The following BNC2 variants were observed in gnomAD, a reference collection of about 807,000 sequenced individuals.
BNC2 encodes the protein basonuclin zinc finger protein 2.
BNC2 carries 20 observed loss-of-function variants against 76.3 expected under a neutral mutation model. The observed-to-expected ratio is 0.26, with a 90% CI of 0.18 to 0.38. The LOEUF (loss-of-function observed/expected upper bound fraction) is 0.38, where lower values mean the gene tolerates loss of function less well. Among genes scored for constraint, BNC2 ranks in the 10% least tolerant of loss-of-function variants. The pLI is 1.00. For synonymous variants in BNC2, 582 were observed against 514.8 expected, an observed-to-expected ratio of 1.13 and a Z score of -1.77; for missense variants, 1,382 against 1,399.8, an observed-to-expected ratio of 0.99 and a Z score of 0.20.
At chr9:16,494,440 C>T (rs187780823) in intron 5 of BNC2, among the ~76,000 whole-genome samples, 90 of 152,040 alleles carry the variant, frequency 5.9e-4, no homozygotes, top group African/African-American at 2.0e-3. Flanking sequence ...CATGAGCCAC[C>T]GAGCCCAGCC....
intron 3 of BNC2, among the ~76,000 whole-genome samples, chr9:16,615,129 T>A (rs573251254): frequency 3.2e-4 from 48 of 152,176 alleles, no homozygotes; most frequent in Non-Finnish European, 6.0e-4. Flanking sequence ...GGATACAGCA[T>A]GATAAACCCA....
intron 1 of BNC2, among the ~76,000 whole-genome samples, chr9:16,789,058 A>C (rs1817428919): frequency 6.6e-6 from 1 of 152,194 alleles, no homozygotes; most frequent in African/African-American, 2.4e-5. Flanking sequence ...CTTAAAACCC[A>C]AAGGTTCTTA....
intron 3 of BNC2, among the ~76,000 whole-genome samples, chr9:16,589,497 T>TTTTGTTTG (rs71325976): frequency 0.81 from 121,071 of 149,032 alleles, 50,947 homozygotes; most frequent in East Asian, 0.96. Context: ...AAAAGCCATT[T>TTTTGTTTG]TTTGTTTGTT....
At chr9:16,670,185 C>T (rs770470379) in intron 3 of BNC2, among the ~76,000 whole-genome samples, 5 of 152,094 alleles carry the variant, frequency 3.3e-5, no homozygotes, top group Non-Finnish European at 5.9e-5. Flanking sequence ...TATACCTATT[C>T]GGGTTCCTAG....
intron 4 of BNC2, among the ~76,000 whole-genome samples, chr9:16,556,634 G>A (rs943154209): frequency 1.4e-5 from 2 of 145,628 alleles, no homozygotes; most frequent in Non-Finnish European, 2.9e-5. Context: ...TGGGCATGAT[G>A]GTGCGCGCCT....
At chr9:16,502,980 A>G (rs979990274) in intron 5 of BNC2, among the ~76,000 whole-genome samples, 5 of 152,284 alleles carry the variant, frequency 3.3e-5, no homozygotes, top group African/African-American at 4.8e-5. Context: ...AACTCAATCA[A>G]TGAAAGCGTA....
At chr9:16,617,544 AC>A (rs1461799939) in intron 3 of BNC2, among the ~76,000 whole-genome samples, 17 of 99,726 alleles carry the variant, frequency 1.7e-4, no homozygotes, top group East Asian at 7.0e-4. Context: ...AAAAAAAAAA[AC>A]CACGATTATC....
At chr9:16,583,862 T>TA in intron 3 of BNC2, among the ~76,000 whole-genome samples, 1 of 152,160 alleles carries the variant, frequency 6.6e-6, no homozygotes, top group Middle Eastern at 3.2e-3. Flanking sequence ...AAAACACACT[T>TA]AAAAATCTTT....
rs567082569 is a variant in BNC2, at chr9:16,868,126, G to A, written c.3+2520C>T. ...TGAAAAGACGACACAGCATTGACTC[G>A]TGACATGGCAAGATGAAACGAGAGG... On this transcript the variant is annotated intron_variant, in intron 1 of 6. Coordinates refer to ENST00000380672, the MANE Select transcript of BNC2 (RefSeq NM_017637.6). 4.6e-5 allele frequency: 7 copies of A among 152,222 alleles called. No individual in the cohort carries two copies. The East Asian group carries it at 1.2e-3, about 25-fold the overall frequency. The allele number at this position is 152,222 out of a possible 1,614,324, so 9.4% of individuals were successfully genotyped here.
intron 1 of BNC2, among the ~76,000 whole-genome samples, chr9:16,860,701 G>T (rs963491707): frequency 6.6e-6 from 1 of 152,242 alleles, no homozygotes; most frequent in East Asian, 1.9e-4. Flanking sequence ...TGATAAATTA[G>T]ACTTCATCAA....
At chr9:16,760,565 G>A (rs149470822) in intron 1 of BNC2, among the ~76,000 whole-genome samples, 1 of 152,106 alleles carries the variant, frequency 6.6e-6, no homozygotes, top group East Asian at 1.9e-4. Context: ...AGCAACTACA[G>A]GGATATGAAT....
intron 4 of BNC2, among the ~76,000 whole-genome samples, chr9:16,558,358 A>G (rs553441770): frequency 6.6e-6 from 1 of 152,310 alleles, no homozygotes; most frequent in African/African-American, 2.4e-5. Flanking sequence ...GAGAATGCAA[A>G]TCATATGAAG....
chr9:16,806,664 A>C (rs1817921645), intron 1 of BNC2, among the ~76,000 whole-genome samples: 1 of 152,352 alleles, frequency 6.6e-6, no homozygotes, highest in East Asian at 1.9e-4. Context: ...TCTCTGCTTA[A>C]GTAACAGCCT....
At chr9:16,865,473 G>T (rs906547747) in intron 1 of BNC2, among the ~76,000 whole-genome samples, 1 of 152,136 alleles carries the variant, frequency 6.6e-6, no homozygotes, top group Non-Finnish European at 1.5e-5. Context: ...TGAAGTACCA[G>T]GCAAACTTTT....
chr9:16,556,940 G>A (rs1390966703), intron 4 of BNC2, among the ~76,000 whole-genome samples: 6 of 152,032 alleles, frequency 3.9e-5, no homozygotes, highest in Admixed American at 3.9e-4. Context: ...ATGGAACTAT[G>A]ATACATGATG....
At chr9:16,685,515 C>A (rs1300977524) in intron 3 of BNC2, 2 of 1,268,742 alleles carry the variant, frequency 1.6e-6, no homozygotes, top group African/African-American at 3.1e-5. Flanking sequence ...TCACACCACC[C>A]CTAGCTGAGA....
intron 1 of BNC2, among the ~76,000 whole-genome samples, chr9:16,793,954 G>A (rs189379728): frequency 2.7e-5 from 4 of 146,410 alleles, no homozygotes; most frequent in Non-Finnish European, 6.0e-5. Flanking sequence ...CTCCCATCTC[G>A]GCCTCCCAAA....
At chr9:16,578,724 C>A (rs1330047694) in intron 4 of BNC2, among the ~76,000 whole-genome samples, 3 of 152,036 alleles carry the variant, frequency 2.0e-5, no homozygotes, top group Non-Finnish European at 4.4e-5. Flanking sequence ...TATTTTGCCA[C>A]TTTCGAACCA....
intron 4 of BNC2, among the ~76,000 whole-genome samples, chr9:16,565,082 A>T (rs1587177619): frequency 6.6e-6 from 1 of 152,078 alleles, no homozygotes; most frequent in Admixed American, 6.6e-5. Context: ...TCATAACTTC[A>T]TTACTACAAG....
Sources: gnomAD v4.1 joint callset for allele counts (sites outside exome capture counted in the v4.1 genomes callset) on GRCh38, gnomAD v4.1.1 for gene constraint, MANE v1.5 for transcripts, NCBI Gene and HGNC (gene_info 2026-07-23, HGNC 2026-07-21) for gene names.